Variants in LAMA2 observed in about 807,000 individuals in gnomAD.
The protein encoded by LAMA2 is laminin subunit alpha-2.
LAMA2 carries 269 observed loss-of-function variants against 364.8 expected under a neutral mutation model. That is an observed-to-expected ratio of 0.74 (90% CI 0.67 to 0.82). The LOEUF is 0.82. LAMA2 is among the 40% of genes least tolerant of loss of function. The probability of loss-of-function intolerance (pLI) is 0.00; values close to 1 mark genes in which losing one functional copy is unlikely to be tolerated. For synonymous variants in LAMA2, 1,379 were observed against 1,370.6 expected (o/e 1.01, Z -0.14); for missense variants, 3,807 against 3,873.2 (o/e 0.98, Z 0.45).
intron 2 of LAMA2, among the ~76,000 whole-genome samples, chr6:129,051,644 G>T (rs1314814669): frequency 7.0e-6 from 1 of 143,210 alleles, no homozygotes. Flanking sequence ...TATGTAGAGA[G>T]ATATATTTTA....
chr6:129,208,664 A>C (rs1782864644), intron 12 of LAMA2, among the ~76,000 whole-genome samples: 1 of 135,490 alleles, frequency 7.4e-6, no homozygotes, highest in Non-Finnish European at 1.5e-5. Flanking sequence ...AGAGGGAGAA[A>C]GAAAGAGAAA....
chr6:128,962,090 A>T (rs1443362779), intron 1 of LAMA2, among the ~76,000 whole-genome samples: 1 of 129,418 alleles, frequency 7.7e-6, no homozygotes, highest in Non-Finnish European at 1.6e-5. Flanking sequence ...CTTTCCTTCC[A>T]TCCTATATTA....
intron 53 of LAMA2, among the ~76,000 whole-genome samples, chr6:129,476,589 T>C (rs1583839711): frequency 1.3e-5 from 2 of 152,312 alleles, no homozygotes; most frequent in South Asian, 4.1e-4. Flanking sequence ...AATGGTTCTT[T>C]GTGTTTCCAT....
intron 34 of LAMA2, among the ~76,000 whole-genome samples, chr6:129,374,333 A>T (rs569103479): frequency 3.5e-4 from 53 of 152,328 alleles, no homozygotes; most frequent in African/African-American, 1.3e-3. Context: ...CAGTGGCCAC[A>T]ACTTCCAATT....
At chr6:129,485,995 TAAA>T (rs1242727462) in intron 55 of LAMA2, among the ~76,000 whole-genome samples, 2 of 152,200 alleles carry the variant, frequency 1.3e-5, no homozygotes, top group Non-Finnish European at 2.9e-5. Context: ...TCCTTCTTTC[TAAA>T]TGTGGGAGGC....
intron 3 of LAMA2, among the ~76,000 whole-genome samples, chr6:129,082,776 C>T (rs765358413): frequency 1.4e-4 from 22 of 152,132 alleles, no homozygotes; most frequent in African/African-American, 3.4e-4. Flanking sequence ...TATAAAAGTA[C>T]GTTTCATCAA....
intron 1 of LAMA2, among the ~76,000 whole-genome samples, chr6:129,046,873 T>A (rs4490684): frequency 0.33 from 50,291 of 152,048 alleles, 9,712 homozygotes; most frequent in African/African-American, 0.54. Context: ...AAAATTCAGC[T>A]CAAGATTACT....
In LAMA2 at chr6:129,315,970, G is replaced by A. The variant is rs550637606; in HGVS notation, c.3924+20G>A. On this transcript the variant is annotated intron_variant, in intron 26 of 64. Coordinates refer to ENST00000421865, the MANE Select transcript of LAMA2 (RefSeq NM_000426.4). ...ACAGAGGTAAAGTTAGTCATTGTTT[G>A]GTGCAAAGATACCAATCAATGGTTT... 74 of 1,613,916 alleles carry A rather than the reference G, an allele frequency of 4.6e-5. No homozygotes were observed. In the African/African-American group the frequency reaches 8.5e-4, roughly 19 times the overall value.
intron 4 of LAMA2, among the ~76,000 whole-genome samples, chr6:129,108,706 C>T (rs1216357525): frequency 6.6e-6 from 1 of 152,108 alleles, no homozygotes; most frequent in Non-Finnish European, 1.5e-5. Flanking sequence ...CATTTCTTCC[C>T]AAGACAATAA....
At position 128,962,139 on chromosome 6, in the gene LAMA2, C is replaced by CATATATATATAT. The variant is rs55906092; in HGVS notation, c.112+78818_112+78829dup. 2.2e-3 allele frequency among the ~76,000 whole-genome samples: 82 copies of CATATATATATAT among 38,092 alleles called. 1 individual carries two copies. The highest frequency in any genetic ancestry group is 2.9e-3 in the Non-Finnish European group (58 of 19,752). The allele number at this position is 38,092 out of a possible 152,430, so 25.0% of individuals were successfully genotyped here. A position where few individuals can be genotyped will look rare whatever the true frequency, so the allele number is the denominator to read the frequency against. On this transcript the variant is annotated intron_variant, in intron 1 of 64. Transcript: ENST00000421865. ...TCTTTTCTGATGTCATCCTCTGGAC[C>CATATATATATAT]ATATATATATATATATATATATATA...
intron 1 of LAMA2, among the ~76,000 whole-genome samples, chr6:128,889,089 A>C (rs1342177058): frequency 2.0e-5 from 3 of 152,186 alleles, no homozygotes; most frequent in Non-Finnish European, 4.4e-5. Flanking sequence ...TACCTCAGAA[A>C]CAATTTGTGT....
At chr6:129,066,976 AG>A (rs973689085) in intron 3 of LAMA2, among the ~76,000 whole-genome samples, 45 of 152,334 alleles carry the variant, frequency 3.0e-4, no homozygotes, top group Admixed American at 2.9e-3. Flanking sequence ...AAGAAAACAC[AG>A]GGGAAAAGTT....
At chr6:128,886,243 G>T (rs550969349) in intron 1 of LAMA2, among the ~76,000 whole-genome samples, 1 of 152,084 alleles carries the variant, frequency 6.6e-6, no homozygotes, top group East Asian at 1.9e-4. Flanking sequence ...CTATAGCCTT[G>T]ACCATGAATG....
At chr6:129,355,392 G>T (rs947527034) in intron 32 of LAMA2, among the ~76,000 whole-genome samples, 1 of 152,062 alleles carries the variant, frequency 6.6e-6, no homozygotes, top group African/African-American at 2.4e-5. Context: ...CCAGGATTCG[G>T]TTTCTACTTC....
intron 4 of LAMA2, among the ~76,000 whole-genome samples, chr6:129,142,475 C>T (rs1357284957): frequency 6.6e-6 from 1 of 152,016 alleles, no homozygotes; most frequent in Non-Finnish European, 1.5e-5. Flanking sequence ...TACCAAACGC[C>T]TTGCCCCCAA....
chr6:129,355,802 A>G (rs191361824), intron 32 of LAMA2, among the ~76,000 whole-genome samples: 78 of 152,234 alleles, frequency 5.1e-4, no homozygotes, highest in Non-Finnish European at 1.0e-3. Context: ...CTTCCCTGGG[A>G]AATATAATTT....
Position 129,159,265 on chromosome 6 carries a change from T to TA in LAMA2, c.1206+4583dup, listed in dbSNP as rs111848219. ...ATGACTTCAACTCCCACTGCTTTCT[T>TA]ACGACTCCTCCAAGATGTGGCTAGA... On this transcript the variant is annotated intron_variant, in intron 8 of 64. Transcript: ENST00000421865. The TA allele has an allele frequency of 1.5e-3, 1,118 of 739,196 alleles. 16 individuals are homozygous for TA. The African/African-American group carries it at 0.017, about 12-fold the overall frequency. The allele number at this position is 739,196 out of a possible 1,614,324, so 45.8% of individuals were successfully genotyped here.
At chr6:129,192,387 G>C (rs1424318637) in intron 11 of LAMA2, among the ~76,000 whole-genome samples, 1 of 152,074 alleles carries the variant, frequency 6.6e-6, no homozygotes, top group African/African-American at 2.4e-5. Context: ...TAAGAAAGTG[G>C]TATTTGGAAC....
intron 38 of LAMA2, 68 bp from the exon 39 acceptor site, chr6:129,402,256 A>T: frequency 1.7e-6 from 2 of 1,199,924 alleles, no homozygotes; most frequent in Non-Finnish European, 2.5e-6. Flanking sequence ...TATGTCTCAT[A>T]GAGAAATTAG....
Sources: allele counts gnomAD v4.1 joint callset (sites outside exome capture counted in the v4.1 genomes callset), GRCh38; gene constraint gnomAD v4.1.1; transcripts MANE v1.5; gene names NCBI Gene and HGNC (gene_info 2026-07-23, HGNC 2026-07-21).